ABLIM1: variants seen among roughly 807,000 people sequenced by gnomAD.
ABLIM1 encodes the protein actin binding LIM protein 1.
In ABLIM1, 40 loss-of-function variants were observed where a neutral mutation model predicts 107.0. That is an observed-to-expected ratio of 0.37 (90% CI 0.29 to 0.49). The LOEUF is 0.49. Among genes scored for constraint, ABLIM1 ranks in the 20% least tolerant of loss-of-function variants. The pLI is 0.97. For synonymous variants in ABLIM1, 357 were observed against 357.3 expected, an observed-to-expected ratio of 1.00 and a Z score of 0.01; for missense variants, 857 against 1,008.5, an observed-to-expected ratio of 0.85 and a Z score of 2.04.
chr10:114,541,192 G>T (rs1032987718), intron 6 of ABLIM1, among the ~76,000 whole-genome samples: 9 of 151,926 alleles, frequency 5.9e-5, no homozygotes, highest in African/African-American at 2.2e-4. Flanking sequence ...AGCCTTCAGA[G>T]ACAGCATTGC....
Position 114,723,289 on chromosome 10 carries a change from G to A in ABLIM1, c.-213+44772C>T, listed in dbSNP as rs567007724. On this transcript the variant is annotated intron_variant, in intron 1 of 15. Transcript: ENST00000651092. ...CAGAGGACAGCTATGGGTGCTGGAG[G>A]GGCATACCGTGTTAGAGGGACATGC... Among the ~76,000 whole-genome samples, 194 of 152,162 alleles carry A rather than the reference G, an allele frequency of 1.3e-3. 1 individual carries two copies. The highest frequency in any genetic ancestry group is 2.0e-3 in the Non-Finnish European group (139 of 68,024).
Position 114,606,081 on chromosome 10 carries a change from A to G in ABLIM1, c.245-4120T>C, listed in dbSNP as rs535732118. Among the ~76,000 whole-genome samples the G allele has an allele frequency of 3.3e-5, 5 of 152,152 alleles. No individual in the cohort carries two copies. In the South Asian group the frequency reaches 8.3e-4, roughly 25 times the overall value. ...CAGAGTCCTTCTTTCCAAATCCAGA[A>G]CTAGCCTCATCTTGCCCAAGCTACC... On this transcript the variant is annotated intron_variant, in intron 1 of 22. Coordinates refer to ENST00000533213, the MANE Select transcript of ABLIM1 (RefSeq NM_002313.7).
In ABLIM1 at chr10:114,634,129, C is replaced by CTTTTTTTTTTTTTTTTTTTT. The variant is rs745875295; in HGVS notation, c.244+23808_244+23827dup. Among the ~76,000 whole-genome samples, 40 of 68,286 alleles carry CTTTTTTTTTTTTTTTTTTTT rather than the reference C, an allele frequency of 5.9e-4. 5 individuals carry two copies. Among genetic ancestry groups the CTTTTTTTTTTTTTTTTTTTT allele is most frequent in the African/African-American group, 1.0e-3 (16 of 15,666 alleles). The allele number at this position is 68,286 out of a possible 152,430, so 44.8% of individuals were successfully genotyped here. A position where few individuals can be genotyped will look rare whatever the true frequency, so the allele number is the denominator to read the frequency against. On this transcript the variant is annotated intron_variant, in intron 1 of 22. Transcript: ENST00000533213. ...CGTAAATGCCATTAGCTCAATTTTT[C>CTTTTTTTTTTTTTTTTTTTT]TTTTTTTTTTTTTTTTTTTTTGAGA...
chr10:114,714,718 G>A (rs1039342022), intron 1 of ABLIM1, among the ~76,000 whole-genome samples: 7 of 152,136 alleles, frequency 4.6e-5, no homozygotes, highest in Non-Finnish European at 2.9e-5. Context: ...CAGGCTGCAC[G>A]GAAGTCAATA....
At chr10:114,710,917 G>A (rs1435798218) in intron 1 of ABLIM1, among the ~76,000 whole-genome samples, 1 of 152,234 alleles carries the variant, frequency 6.6e-6, no homozygotes, top group African/African-American at 2.4e-5. Flanking sequence ...AGGCTTTGGA[G>A]CATTTGCTTA....
chr10:114,699,780 G>A (rs1193795080), intron 1 of ABLIM1, among the ~76,000 whole-genome samples: 3 of 152,096 alleles, frequency 2.0e-5, no homozygotes, highest in Admixed American at 1.3e-4. Flanking sequence ...GAAGTAAAAA[G>A]TAAACTTTTA....
chr10:114,694,003 G>C (rs1189176938), intron 1 of ABLIM1, among the ~76,000 whole-genome samples: 1 of 151,994 alleles, frequency 6.6e-6, no homozygotes, highest in African/African-American at 2.4e-5. Flanking sequence ...AGAGGCCACA[G>C]GCAGAATAGT....
intron 3 of ABLIM1, among the ~76,000 whole-genome samples, chr10:114,573,435 C>T (rs1302196063): frequency 6.6e-6 from 1 of 152,198 alleles, no homozygotes; most frequent in Non-Finnish European, 1.5e-5. Context: ...GTAAGTGCTC[C>T]TTTGCTGGCT....
chr10:114,445,206 A>T, intron 16 of ABLIM1, 106 bp downstream of exon 16: 1 of 1,007,140 alleles, frequency 9.9e-7, no homozygotes, highest in Non-Finnish European at 1.5e-6. Context: ...GAAGACTGGG[A>T]CCACCTCTTG....
intron 1 of ABLIM1, among the ~76,000 whole-genome samples, chr10:114,767,781 C>A (rs560858650): frequency 1.3e-5 from 2 of 152,312 alleles, no homozygotes; most frequent in African/African-American, 4.8e-5. Context: ...GGGCAGCCAG[C>A]GCGAGCCCAT....
intron 8 of ABLIM1, among the ~76,000 whole-genome samples, chr10:114,476,682 A>AATAATAATAATAAT (rs2056482592): frequency 1.9e-5 from 2 of 107,044 alleles, no homozygotes; most frequent in East Asian, 2.1e-4. Flanking sequence ...ATAATAATAA[A>AATAATAATAATAAT]GTGCAATTTC....
intron 1 of ABLIM1, among the ~76,000 whole-genome samples, chr10:114,633,390 T>C (rs1404251534): frequency 6.6e-6 from 1 of 152,158 alleles, no homozygotes; most frequent in African/African-American, 2.4e-5. Context: ...TGTGTAACAG[T>C]AGCACAGCTC....
At position 114,436,132 on chromosome 10, in the gene ABLIM1, T is replaced by G; in HGVS notation, c.*128A>C. 3.0e-6 allele frequency: 2 copies of G among 674,646 alleles called. No individual in the cohort carries two copies. Among genetic ancestry groups the G allele is most frequent in the Non-Finnish European group, 5.1e-6 (2 of 390,698 alleles). The allele number at this position is 674,646 out of a possible 1,614,324, so 41.8% of individuals were successfully genotyped here. A position where few individuals can be genotyped will look rare whatever the true frequency, so the allele number is the denominator to read the frequency against. ...TGACTCATGGTGTTTTAACCAGACT[T>G]TCTCTTTTTGGTGTTGCTGAGCGAC... On this transcript the variant is annotated 3_prime_UTR_variant, in exon 23 of 23. Coordinates refer to ENST00000533213, the MANE Select transcript of ABLIM1 (RefSeq NM_002313.7).
At chr10:114,468,486 G>A (rs182686422) in intron 10 of ABLIM1, among the ~76,000 whole-genome samples, 3 of 152,142 alleles carry the variant, frequency 2.0e-5, no homozygotes, top group African/African-American at 4.8e-5. Context: ...GCGTTAGTCA[G>A]GATGGTCTCT....
intron 2 of ABLIM1, among the ~76,000 whole-genome samples, chr10:114,598,366 C>A (rs1430912270): frequency 6.7e-6 from 1 of 150,092 alleles, no homozygotes; most frequent in East Asian, 2.0e-4. Flanking sequence ...GCAGGCGGAT[C>A]ACAAGTTCAA....
At chr10:114,738,205 T>C (rs928534940) in intron 1 of ABLIM1, among the ~76,000 whole-genome samples, 1 of 152,194 alleles carries the variant, frequency 6.6e-6, no homozygotes, top group Admixed American at 6.5e-5. Context: ...CGTGCCACCG[T>C]GTCTGACTAA....
intron 14 of ABLIM1, among the ~76,000 whole-genome samples, chr10:114,449,223 A>C (rs114282571): frequency 6.6e-6 from 1 of 152,248 alleles, no homozygotes; most frequent in Non-Finnish European, 1.5e-5. Context: ...TTAAATGGAC[A>C]GTCCCTGATT....
chr10:114,658,686 G>A (rs576678200), upstream of ABLIM1, among the ~76,000 whole-genome samples: 9 of 152,236 alleles, frequency 5.9e-5, no homozygotes, highest in South Asian at 1.9e-3. Context: ...AGGTGGGGAA[G>A]GCTCGATAAA....
chr10:114,570,385 A>T (rs2071463983), intron 4 of ABLIM1, among the ~76,000 whole-genome samples: 1 of 152,100 alleles, frequency 6.6e-6, no homozygotes, highest in African/African-American at 2.4e-5. Context: ...GTAAATAATG[A>T]CAAGTCCCCA....
Sources: allele counts gnomAD v4.1 joint callset (sites outside exome capture counted in the v4.1 genomes callset), GRCh38; gene constraint gnomAD v4.1.1; transcripts MANE v1.5; gene names NCBI Gene and HGNC (gene_info 2026-07-23, HGNC 2026-07-21).